Variants in CPPED1 observed in about 807,000 individuals in gnomAD.
CPPED1 encodes the protein serine/threonine-protein phosphatase CPPED1.
In CPPED1, 28 loss-of-function variants were observed where a neutral mutation model predicts 28.0. The observed-to-expected ratio is 1.00, with a 90% confidence interval of 0.74 to 1.37. The LOEUF (loss-of-function observed/expected upper bound fraction) is 1.37, where lower values mean the gene tolerates loss of function less well. CPPED1 is among the 40% of genes most tolerant of loss of function. The probability of loss-of-function intolerance (pLI) is 0.00; values close to 1 mark genes in which losing one functional copy is unlikely to be tolerated. For missense variants in CPPED1, 504 were observed against 416.5 expected, an observed-to-expected ratio of 1.21 and a Z score of -1.83; for synonymous variants, 198 against 180.2, an observed-to-expected ratio of 1.10 and a Z score of -0.79.
At chr16:12,693,478 G>A (rs2079974186) in intron 3 of CPPED1, among the ~76,000 whole-genome samples, 1 of 152,064 alleles carries the variant, frequency 6.6e-6, no homozygotes, top group Non-Finnish European at 1.5e-5. Context: ...TTACAGGGGT[G>A]AGTCTCTGTG....
At chr16:12,781,914 T>A (rs559103714) in intron 1 of CPPED1, among the ~76,000 whole-genome samples, 1 of 152,074 alleles carries the variant, frequency 6.6e-6, no homozygotes, top group East Asian at 1.9e-4. Flanking sequence ...GCTCTGGCTA[T>A]CTGGTGGGAG....
intron 1 of CPPED1, among the ~76,000 whole-genome samples, chr16:12,788,564 T>G (rs1158901932): frequency 6.6e-6 from 1 of 152,018 alleles, no homozygotes; most frequent in Non-Finnish European, 1.5e-5. Context: ...GGGGAGATGC[T>G]GAGGTCTGGG....
chr16:12,767,100 G>A (rs1254775046), intron 2 of CPPED1, among the ~76,000 whole-genome samples: 1 of 152,056 alleles, frequency 6.6e-6, no homozygotes. Context: ...GTAAGGGAAT[G>A]GGTTCACAGG....
intron 2 of CPPED1, among the ~76,000 whole-genome samples, chr16:12,710,972 C>G (rs2141191207): frequency 6.6e-6 from 1 of 152,258 alleles, no homozygotes; most frequent in South Asian, 2.1e-4. Context: ...GATAATCCAA[C>G]AATTCTATAT....
rs571526814 is a variant in CPPED1, at chr16:12,673,595, G to A, written c.716-8480C>T. 3.3e-5 allele frequency among the ~76,000 whole-genome samples: 5 copies of A among 152,238 alleles called. No homozygotes were observed. In the East Asian group the frequency reaches 9.7e-4, roughly 29 times the overall value. On this transcript the variant is annotated intron_variant, in intron 3 of 3. Coordinates refer to ENST00000381774, the MANE Select transcript of CPPED1 (RefSeq NM_018340.3). ...GTGCCCAGAGGACCTCTCAGAGCGG[G>A]TCTCCCCAGACCCGTGGACAGCTGT...
chr16:12,780,986 T>C (rs1388207918), intron 2 of CPPED1, 199 bp downstream of exon 2: 9 of 587,600 alleles, frequency 1.5e-5, no homozygotes, highest in African/African-American at 3.7e-5. Context: ...CTAATTACTG[T>C]GATTAATCTC....
chr16:12,719,471 C>T (rs1024967324), intron 2 of CPPED1, among the ~76,000 whole-genome samples: 6 of 151,894 alleles, frequency 4.0e-5, no homozygotes, highest in Non-Finnish European at 7.4e-5. Context: ...CTCCTTGACA[C>T]GTGGGGATTA....
intron 3 of CPPED1, among the ~76,000 whole-genome samples, chr16:12,676,396 G>A (rs1006561834): frequency 6.6e-5 from 10 of 152,170 alleles, no homozygotes; most frequent in African/African-American, 2.2e-4. Context: ...ACTCAGCAGC[G>A]TTTTATTCGC....
intron 2 of CPPED1, among the ~76,000 whole-genome samples, chr16:12,734,210 C>A (rs552477657): frequency 6.6e-6 from 1 of 151,650 alleles, no homozygotes; most frequent in African/African-American, 2.4e-5. Context: ...GCTGGGATTA[C>A]AAGCATGCAC....
intron 2 of CPPED1, among the ~76,000 whole-genome samples, chr16:12,778,912 G>T (rs888276796): frequency 6.6e-6 from 1 of 152,184 alleles, no homozygotes; most frequent in Non-Finnish European, 1.5e-5. Context: ...TAAAATTCAC[G>T]TTCAAAAGTT....
intron 3 of CPPED1, among the ~76,000 whole-genome samples, chr16:12,674,673 T>C (rs1267680633): frequency 6.6e-6 from 1 of 152,004 alleles, no homozygotes; most frequent in African/African-American, 2.4e-5. Flanking sequence ...ATTTTACAGA[T>C]GAGAAAACTG....
intron 2 of CPPED1, among the ~76,000 whole-genome samples, chr16:12,737,994 T>C (rs2141209248): frequency 6.6e-6 from 1 of 152,324 alleles, no homozygotes; most frequent in East Asian, 1.9e-4. Context: ...ACTGACGCCT[T>C]CCTGGGGATA....
chr16:12,668,412 A>C (rs76691868), intron 3 of CPPED1, among the ~76,000 whole-genome samples: 185 of 152,314 alleles, frequency 1.2e-3, no homozygotes, highest in African/African-American at 3.9e-3. Flanking sequence ...AGATAAAAAT[A>C]CGGAATAACC....
chr16:12,797,479 C>G (rs893350578), intron 1 of CPPED1, among the ~76,000 whole-genome samples: 1 of 151,344 alleles, frequency 6.6e-6, no homozygotes, highest in East Asian at 2.0e-4. Flanking sequence ...GGCTTGAGCC[C>G]AGGAGGGGGA....
chr16:12,713,138 A>T (rs1596456526), intron 2 of CPPED1, among the ~76,000 whole-genome samples: 3 of 152,284 alleles, frequency 2.0e-5, no homozygotes, highest in Admixed American at 2.0e-4. Flanking sequence ...AATTCAATTT[A>T]AAAAAATGTA....
intron 2 of CPPED1, among the ~76,000 whole-genome samples, chr16:12,743,823 A>G (rs4780474): frequency 0.57 from 85,932 of 151,816 alleles, 24,513 homozygotes; most frequent in Admixed American, 0.62. Flanking sequence ...GGGCAGCACG[A>G]TGAAACCCCA....
At chr16:12,725,512 C>T (rs2080165237) in intron 2 of CPPED1, among the ~76,000 whole-genome samples, 1 of 152,022 alleles carries the variant, frequency 6.6e-6, no homozygotes, top group Non-Finnish European at 1.5e-5. Context: ...CCCTTTATTC[C>T]ACCACAACCA....
intron 2 of CPPED1, among the ~76,000 whole-genome samples, chr16:12,766,256 T>TATATATATATATATAGAGAGAG: frequency 3.0e-5 from 4 of 134,254 alleles, no homozygotes; most frequent in African/African-American, 1.0e-4. Flanking sequence ...TATATATATA[T>TATATATATATATATAGAGAGAG]AGAGAGAGAG....
intron 2 of CPPED1, among the ~76,000 whole-genome samples, chr16:12,729,289 T>C (rs924059425): frequency 6.6e-6 from 1 of 152,162 alleles, no homozygotes; most frequent in Non-Finnish European, 1.5e-5. Flanking sequence ...CCCAGGGATA[T>C]TATTAATATT....
Sources: allele counts gnomAD v4.1 joint callset (sites outside exome capture counted in the v4.1 genomes callset), GRCh38; gene constraint gnomAD v4.1.1; transcripts MANE v1.5; gene names NCBI Gene and HGNC (gene_info 2026-07-23, HGNC 2026-07-21).